EHMT1: variants seen among roughly 807,000 people sequenced by gnomAD.
EHMT1 encodes euchromatic histone lysine methyltransferase 1.
In EHMT1, 15 loss-of-function variants were observed where a neutral mutation model predicts 147.2. That is an observed-to-expected ratio of 0.10 (90% CI 0.07 to 0.16). The LOEUF is 0.16. EHMT1 is among the 10% of genes least tolerant of loss of function. EHMT1 has a pLI of 1.00. For missense variants in EHMT1, 1,587 were observed against 1,772.4 expected (o/e 0.90, Z 1.88); for synonymous variants, 795 against 709.6 (o/e 1.12, Z -1.91).
At chr9:137,725,210 T>TG (rs1434523227) in intron 3 of EHMT1, among the ~76,000 whole-genome samples, 1 of 149,636 alleles carries the variant, frequency 6.7e-6, no homozygotes, top group East Asian at 2.0e-4. Context: ...GTGGCCTTCG[T>TG]GGGGCAGGTA....
At chr9:137,640,158 C>T (rs1844382596) in intron 1 of EHMT1, among the ~76,000 whole-genome samples, 1 of 152,212 alleles carries the variant, frequency 6.6e-6, no homozygotes, top group Non-Finnish European at 1.5e-5. Flanking sequence ...TGTTCTTGAA[C>T]TCCTGAACTC....
At chr9:137,714,374 A>G (rs1043682564) in intron 2 of EHMT1, among the ~76,000 whole-genome samples, 27 of 151,106 alleles carry the variant, frequency 1.8e-4, no homozygotes, top group African/African-American at 6.6e-4. Context: ...TTCCTGTCTA[A>G]TGAGATGCTT....
At chr9:137,827,602 G>C (rs1046887585) in intron 25 of EHMT1, among the ~76,000 whole-genome samples, 3 of 152,124 alleles carry the variant, frequency 2.0e-5, no homozygotes, top group Non-Finnish European at 2.9e-5. Context: ...TCTCAGCCTG[G>C]GGCTACAGGG....
intron 1 of EHMT1, among the ~76,000 whole-genome samples, chr9:137,671,043 G>A (rs1311219985): frequency 1.3e-5 from 2 of 152,172 alleles, no homozygotes; most frequent in African/African-American, 2.4e-5. Flanking sequence ...ACAGAGGGCT[G>A]TCCCGGGCCG....
chr9:137,619,873 C>T (rs1230317583), intron 1 of EHMT1, among the ~76,000 whole-genome samples: 1 of 151,816 alleles, frequency 6.6e-6, no homozygotes, highest in Non-Finnish European at 1.5e-5. Context: ...GGTGGTGTGT[C>T]CGTGGAGATG....
chr9:137,828,446 C>G lies in EHMT1; in HGVS notation c.3541-5903C>G, dbSNP rs560704857. ...GGCCACATCCTGACTCTAGGCCCCT[C>G]TGGTCTGGGCAGTGAGGCCAAGCAG... On this transcript the variant is annotated intron_variant, in intron 25 of 26. Transcript: ENST00000460843. This position sits in a 1 kb window ranked among gnomAD's most constrained non-coding sequence, Gnocchi z 5.3. Among the ~76,000 whole-genome samples, 175 of 152,132 alleles carry G rather than the reference C, an allele frequency of 1.2e-3. 1 individual carries two copies. Among genetic ancestry groups the G allele is most frequent in the African/African-American group, 3.4e-3 (142 of 41,480 alleles).
chr9:137,770,454 C>G (rs1049556599), intron 10 of EHMT1, among the ~76,000 whole-genome samples: 1 of 152,246 alleles, frequency 6.6e-6, no homozygotes, highest in Non-Finnish European at 1.5e-5. Context: ...ATGTTTCTCT[C>G]TCTTGACAGT....
At chr9:137,769,717 T>G (rs1209139890) in intron 10 of EHMT1, among the ~76,000 whole-genome samples, 2 of 152,202 alleles carry the variant, frequency 1.3e-5, no homozygotes, top group Non-Finnish European at 2.9e-5. Flanking sequence ...GTTGTTTTGT[T>G]TTGCTTTTTT....
At position 137,834,261 on chromosome 9, in the gene EHMT1, C is replaced by T. The variant is rs149859341; in HGVS notation, c.3541-88C>T. 1,360 of 1,554,240 alleles carry T rather than the reference C, an allele frequency of 8.8e-4. 10 individuals are homozygous for T. In the African/African-American group the frequency reaches 0.016, roughly 18 times the overall value. On this transcript the variant is annotated intron_variant, in intron 25 of 26. Coordinates refer to ENST00000460843, the MANE Select transcript of EHMT1 (RefSeq NM_024757.5). ...GCGGGCCTGCGCCCAACTGCAGGCT[C>T]CGGGACTGCCATGCATGGCCGTACC... is the stretch of plus-strand genomic sequence containing the variant.
At chr9:137,800,424 G>A (rs1334290297) in intron 17 of EHMT1, 3 of 214,880 alleles carry the variant, frequency 1.4e-5, no homozygotes. Flanking sequence ...CCTGCACGGA[G>A]CCACCATTGG....
At chr9:137,706,388 C>T (rs941071171) in intron 1 of EHMT1, among the ~76,000 whole-genome samples, 4 of 152,204 alleles carry the variant, frequency 2.6e-5, no homozygotes, top group Non-Finnish European at 4.4e-5. Flanking sequence ...TTAACTAATT[C>T]ATTTTGTTTT....
At chr9:137,784,173 G>A in intron 15 of EHMT1, 3 of 1,551,282 alleles carry the variant, frequency 1.9e-6, no homozygotes, top group Non-Finnish European at 2.6e-6. Context: ...ACCTCGTGCT[G>A]TTCCCGAACA....
chr9:137,634,396 C>T lies in EHMT1; in HGVS notation c.21+15347C>T, dbSNP rs546451760. Among the ~76,000 whole-genome samples, 21 of 152,262 alleles carry T rather than the reference C, an allele frequency of 1.4e-4. No homozygotes were observed. The East Asian group carries it at 3.7e-3, about 27-fold the overall frequency. ...GCTCAGCAGCGTTTGTTGAAAAGAC[C>T]ATGCTTTCCCCATTGAATTGCCTGG... On this transcript the variant is annotated intron_variant, in intron 1 of 26. Coordinates refer to ENST00000460843, the MANE Select transcript of EHMT1 (RefSeq NM_024757.5).
At position 137,787,525 on chromosome 9, in the gene EHMT1, A is replaced by G; in HGVS notation, c.2383-3323A>G. On this transcript the variant is annotated intron_variant, in intron 15 of 26. Transcript: ENST00000460843. This position sits in a 1 kb window ranked among gnomAD's most constrained non-coding sequence, Gnocchi z 4.2. ...GGCCACGGCCACACGTGGGGTAGTT[A>G]GTAAACACCATGGACTCCCAGCAAG... The G allele has an allele frequency of 2.7e-6, 1 of 371,292 alleles. No individual in the cohort carries two copies. The highest frequency in any genetic ancestry group is 5.0e-6 in the Non-Finnish European group (1 of 199,466). 23.0% of individuals were successfully genotyped at this position (371,292 alleles called of 1,614,324 possible).
At chr9:137,784,075 T>C in intron 15 of EHMT1, 2 of 1,112,852 alleles carry the variant, frequency 1.8e-6, no homozygotes, top group Non-Finnish European at 2.7e-6. Flanking sequence ...GACCGGGTCA[T>C]TTATAAAGAA....
At chr9:137,676,714 G>A (rs915156893) in intron 1 of EHMT1, among the ~76,000 whole-genome samples, 2 of 152,180 alleles carry the variant, frequency 1.3e-5, no homozygotes, top group African/African-American at 4.8e-5. Flanking sequence ...GGGGGAAGTG[G>A]GTGGAGCCAC....
chr9:137,715,845 A>T lies in EHMT1; in HGVS notation c.86-781A>T, dbSNP rs1019268556. On this transcript the variant is annotated intron_variant, in intron 2 of 26. Transcript: ENST00000460843. ...GCCTTGTTTTCTATCTCCAAATAAC[A>T]CTCCATGTTTTATTATAGCAGTGAT... is the stretch of plus-strand genomic sequence containing the variant. The T allele has an allele frequency of 1.1e-5, 11 of 984,858 alleles. No homozygotes were observed. In the South Asian group the frequency reaches 2.4e-4, roughly 21 times the overall value. 61.0% of individuals were successfully genotyped at this position (984,858 alleles called of 1,614,324 possible).
At chr9:137,784,539 T>C (rs765789975) in intron 15 of EHMT1, 62 of 613,754 alleles carry the variant, frequency 1.0e-4, no homozygotes, top group Non-Finnish European at 1.2e-4. Context: ...ATTGGTTTTA[T>C]TTTGATTTTG....
At chr9:137,805,706 A>G (rs1436024411) in intron 18 of EHMT1, among the ~76,000 whole-genome samples, 1 of 150,390 alleles carries the variant, frequency 6.6e-6, no homozygotes, top group Non-Finnish European at 1.5e-5. Flanking sequence ...TCCGTCGCCC[A>G]GGCTGGAATG....
Sources: allele counts gnomAD v4.1 joint callset (sites outside exome capture counted in the v4.1 genomes callset), GRCh38; gene constraint gnomAD v4.1.1; non-coding constraint Gnocchi (gnomAD v3.1); transcripts MANE v1.5; gene names NCBI Gene and HGNC (gene_info 2026-07-23, HGNC 2026-07-21).